The following TBC1D16 variants were observed in gnomAD, a reference collection of about 807,000 sequenced individuals.
TBC1D16 encodes TBC1 domain family member 16, also known as CTD-2529O21.1.
In TBC1D16, 58 loss-of-function variants were observed where a neutral mutation model predicts 74.7. That is an observed-to-expected ratio of 0.78 (90% CI 0.63 to 0.97). The LOEUF (loss-of-function observed/expected upper bound fraction) is 0.97, where lower values mean the gene tolerates loss of function less well. Among genes scored for constraint, TBC1D16 ranks in the 50% least tolerant of loss-of-function variants. TBC1D16 has a pLI of 0.00. For missense variants in TBC1D16, 1,014 were observed against 1,079.5 expected (o/e 0.94, Z 0.85); for synonymous variants, 493 against 474.7 (o/e 1.04, Z -0.50).
At chr17:80,032,733 T>C (rs7212148) in intron 1 of TBC1D16, among the ~76,000 whole-genome samples, 152,175 of 152,356 alleles carry the variant, frequency 1, 76,000 homozygotes, top group Non-Finnish European at 1. Context: ...ATAATGCAAA[T>C]GCAATACAAA....
rs909046946 is a variant in TBC1D16 at position 80,023,068 on chromosome 17, C to T, written c.-62-9459G>A. Among the ~76,000 whole-genome samples, 7 of 150,258 alleles carry T rather than the reference C, an allele frequency of 4.7e-5. 2 individuals are homozygous for T. Among genetic ancestry groups the T allele is most frequent in the African/African-American group, 1.8e-4 (7 of 39,580 alleles). On this transcript the variant is annotated intron_variant, in intron 1 of 11. Coordinates refer to ENST00000310924, the MANE Select transcript of TBC1D16 (RefSeq NM_019020.4). ...GCCGCAACGCTGCACATGTGACAAA[C>T]ACGTGTGTGAGATCCACGGTTCTCA... is the stretch of plus-strand genomic sequence containing the variant.
rs1598310188 is a variant in TBC1D16, at chr17:79,942,225, T to G, written c.1909-19A>C. On this transcript the variant is annotated intron_variant, in intron 10 of 11. Transcript: ENST00000310924. Reference sequence around the variant, plus strand: ...AGTCCGTCTGTGGAGGCGGGTAGAGTTCAGACACGGGCTCTGACCGAGCCC... The same window carrying G: ...AGTCCGTCTGTGGAGGCGGGTAGAGGTCAGACACGGGCTCTGACCGAGCCC... The G allele has an allele frequency of 6.4e-7, 1 of 1,571,580 alleles. No individual in the cohort carries two copies. The highest frequency in any genetic ancestry group is 8.6e-7 in the Non-Finnish European group (1 of 1,158,140).
At chr17:80,012,302 A>G (rs2035925835) in intron 2 of TBC1D16, among the ~76,000 whole-genome samples, 1 of 152,092 alleles carries the variant, frequency 6.6e-6, no homozygotes, top group African/African-American at 2.4e-5. Context: ...TCTCTCTAGA[A>G]CACCCTCAGG....
chr17:80,035,485 G>C lies in TBC1D16; in HGVS notation c.-63+310C>G, dbSNP rs1297588784. On this transcript the variant is annotated intron_variant, in intron 1 of 11. Transcript: ENST00000310924. The surrounding 1 kb of genome is among the most constrained non-coding windows in gnomAD (Gnocchi z 5.3). ...GCAAGTTCCCCGGTCCACCGCTCCA[G>C]ACAGGCGGGGACCAGTCTCCCCGAA... Among the ~76,000 whole-genome samples the C allele has an allele frequency of 1.3e-5, 2 of 151,962 alleles. No individual in the cohort carries two copies. The highest frequency in any genetic ancestry group is 4.1e-4 in the South Asian group (2 of 4,828).
At chr17:80,015,305 G>T (rs188198716) in intron 1 of TBC1D16, among the ~76,000 whole-genome samples, 4 of 152,122 alleles carry the variant, frequency 2.6e-5, no homozygotes, top group African/African-American at 4.8e-5. Context: ...GTGGTGGCAC[G>T]AGCCTATAAT....
chr17:80,030,708 G>T (rs909551403), intron 1 of TBC1D16, among the ~76,000 whole-genome samples: 1 of 152,204 alleles, frequency 6.6e-6, no homozygotes, highest in African/African-American at 2.4e-5. Flanking sequence ...CCATGGAGCT[G>T]GCAGTTCCCA....
chr17:79,955,400 A>G (rs1353558570), intron 3 of TBC1D16, among the ~76,000 whole-genome samples: 1 of 152,206 alleles, frequency 6.6e-6, no homozygotes, highest in African/African-American at 2.4e-5. Flanking sequence ...ACACACAGAC[A>G]TTTAATACTC....
intron 1 of TBC1D16, among the ~76,000 whole-genome samples, chr17:80,027,228 C>G (rs531904286): frequency 6.6e-6 from 1 of 152,100 alleles, no homozygotes; most frequent in Admixed American, 6.5e-5. Flanking sequence ...TTCGGGAGTC[C>G]GAGGTGGGCG....
In TBC1D16 at chr17:80,010,480, G is replaced by A. The variant is rs373522384; in HGVS notation, c.459C>T (p.Leu153=). The stretch of plus-strand genomic sequence containing the variant: ...CCTCATCCTCTGGCGCAGGGCTGGC[G>A]AGCATGCGGTCTGGAACACTCTGGG... ...VVAQSVPDRM[L]ASPAPEDEEK... is the part of the protein sequence containing the mutation. Residue 153 remains leucine (L), a synonymous_variant, in exon 3 of 12, where the codon CTC becomes CTT. Coordinates refer to ENST00000310924, the MANE Select transcript of TBC1D16 (RefSeq NM_019020.4). The surrounding 1 kb of genome is among the most constrained non-coding windows in gnomAD (Gnocchi z 8.8). 8.7e-6 allele frequency: 14 copies of A among 1,610,382 alleles called. No individual in the cohort carries two copies. In the East Asian group the frequency reaches 1.3e-4, roughly 15 times the overall value.
intron 1 of TBC1D16, among the ~76,000 whole-genome samples, chr17:80,025,074 CACACATACCAT>C (rs1178924438): frequency 0.012 from 142 of 11,834 alleles, 2 homozygotes; most frequent in African/African-American, 0.019. Flanking sequence ...ATGACACACA[CACACATACCAT>C]GACACACACA....
rs1483518106 is a variant in TBC1D16 at position 79,950,373 on chromosome 17, G to A, written c.1257+38C>T. On this transcript the variant is annotated intron_variant, in intron 6 of 11. Transcript: ENST00000310924. This position sits in a 1 kb window ranked among gnomAD's most constrained non-coding sequence, Gnocchi z 4.6. ...CTCGCTCGTTCCCGGTTCCCGGCCG[G>A]CTCTCCGCGGGGCCAGCTGGGCGGA... The A allele has an allele frequency of 3.2e-6, 5 of 1,551,944 alleles. No individual in the cohort carries two copies. Among genetic ancestry groups the A allele is most frequent in the South Asian group, 1.2e-5 (1 of 83,720 alleles).
chr17:80,004,039 G>A (rs9905806), intron 3 of TBC1D16, among the ~76,000 whole-genome samples: 4,619 of 152,260 alleles, frequency 0.03, 231 homozygotes, highest in African/African-American at 0.11. Context: ...TGAGCAATAC[G>A]GTGAGACTCT....
chr17:80,013,337 G>A (rs759210818), intron 2 of TBC1D16, 30 bp downstream of exon 2: 43 of 1,572,624 alleles, frequency 2.7e-5, no homozygotes, highest in Non-Finnish European at 3.5e-5. Flanking sequence ...TGGGCTGTGC[G>A]ACCCTGGAGC....
intron 1 of TBC1D16, among the ~76,000 whole-genome samples, chr17:80,027,552 T>C (rs12942389): frequency 0.12 from 17,785 of 151,804 alleles, 1,320 homozygotes; most frequent in East Asian, 0.25. Flanking sequence ...GAGCTGTACT[T>C]GCGCCACTGC....
rs1274761448 is a variant in TBC1D16 at position 80,009,605 on chromosome 17, T to G, written c.779+555A>C. 6.6e-6 allele frequency among the ~76,000 whole-genome samples: 1 copy of G among 152,112 alleles called. No individual in the cohort carries two copies. The highest frequency in any genetic ancestry group is 1.5e-5 in the Non-Finnish European group (1 of 67,998). ...TGGTCAACACTGCCCCGGGACTACA[T>G]CCATCCTCCACAGCTATGAGAAAGA... On this transcript the variant is annotated intron_variant, in intron 3 of 11. Coordinates refer to ENST00000310924, the MANE Select transcript of TBC1D16 (RefSeq NM_019020.4). This position sits in a 1 kb window ranked among gnomAD's most constrained non-coding sequence, Gnocchi z 5.4.
rs769065064 is a variant in TBC1D16, at chr17:79,945,094, G to T, written c.1729-7C>A. On this transcript the variant is annotated splice_region_variant and splice_polypyrimidine_tract_variant and intron_variant, in intron 9 of 11. Coordinates refer to ENST00000310924, the MANE Select transcript of TBC1D16 (RefSeq NM_019020.4). The stretch of plus-strand genomic sequence containing the variant: ...GCAGCTCGCGCAGGTACAGCTGGGG[G>T]TGAGGCCGTCACGCGTTAGTTAGCT... The T allele has an allele frequency of 2.5e-6, 4 of 1,574,052 alleles. No individual in the cohort carries two copies. Among genetic ancestry groups the T allele is most frequent in the Admixed American group, 3.7e-5 (2 of 53,458 alleles).
rs531319768 is a variant in TBC1D16, at chr17:79,938,135, C to A, written c.*2724G>T. 1 of 152,176 alleles carries A rather than the reference C, an allele frequency of 6.6e-6. No homozygotes were observed. Among genetic ancestry groups the A allele is most frequent in the Non-Finnish European group, 1.5e-5 (1 of 68,038 alleles). 9.4% of individuals were successfully genotyped at this position (152,176 alleles called of 1,614,324 possible). The stretch of plus-strand genomic sequence containing the variant: ...GGAATAATCCCGGGGCAACAGCTGC[C>A]GCGGGGTTTTTGGCTGGTTTCCTCT... On this transcript the variant is annotated 3_prime_UTR_variant, in exon 12 of 12. Coordinates refer to ENST00000310924, the MANE Select transcript of TBC1D16 (RefSeq NM_019020.4).
chr17:80,004,743 C>T (rs1243437791), intron 3 of TBC1D16, among the ~76,000 whole-genome samples: 3 of 151,706 alleles, frequency 2.0e-5, no homozygotes, highest in African/African-American at 7.3e-5. Flanking sequence ...GGCACCATCT[C>T]GGCTCACTGC....
At chr17:79,991,100 T>C (rs2035041445) in intron 3 of TBC1D16, among the ~76,000 whole-genome samples, 1 of 152,246 alleles carries the variant, frequency 6.6e-6, no homozygotes, top group East Asian at 1.9e-4. Context: ...GACACTTCTA[T>C]ATAACCATGA....
Sources: allele counts gnomAD v4.1 joint callset (sites outside exome capture counted in the v4.1 genomes callset), GRCh38; gene constraint gnomAD v4.1.1; non-coding constraint Gnocchi (gnomAD v3.1); transcripts MANE v1.5; gene names NCBI Gene and HGNC (gene_info 2026-07-23, HGNC 2026-07-21).